Variants in WRN observed in about 807,000 individuals in gnomAD.
WRN encodes the protein bifunctional 3'-5' exonuclease/ATP-dependent helicase WRN.
In WRN, 149 loss-of-function variants were observed where a neutral mutation model predicts 180.7. The observed-to-expected ratio is 0.82, with a 90% CI of 0.72 to 0.94. The LOEUF (loss-of-function observed/expected upper bound fraction) is 0.94, where lower values mean the gene tolerates loss of function less well. Among genes scored for constraint, WRN ranks in the 40% least tolerant of loss-of-function variants. The pLI, the probability that WRN is intolerant of heterozygous loss-of-function variation, is 0.00. For missense variants in WRN, 1,661 were observed against 1,700.1 expected (o/e 0.98, Z 0.40); for synonymous variants, 548 against 568.9 (o/e 0.96, Z 0.52).
chr8:31,048,550 T>G (rs538750627), intron 1 of WRN, among the ~76,000 whole-genome samples: 1 of 152,196 alleles, frequency 6.6e-6, no homozygotes, highest in Non-Finnish European at 1.5e-5. Context: ...TGTATAAATG[T>G]ATAAATTAGT....
intron 1 of WRN, among the ~76,000 whole-genome samples, chr8:31,050,218 G>C (rs1343676747): frequency 6.6e-6 from 1 of 152,112 alleles, no homozygotes; most frequent in South Asian, 2.1e-4. Context: ...GGAGGAAAAA[G>C]TTGGAAATAA....
intron 3 of WRN, among the ~76,000 whole-genome samples, chr8:31,061,997 C>T (rs1812502093): frequency 6.6e-6 from 1 of 152,172 alleles, no homozygotes. Context: ...AGTTCCAGGT[C>T]CTTCAGCTTC....
chr8:31,134,345 T>C (rs1303987261), intron 24 of WRN, among the ~76,000 whole-genome samples: 1 of 152,206 alleles, frequency 6.6e-6, no homozygotes, highest in Admixed American at 6.5e-5. Context: ...ATAATGTATA[T>C]AAATATATAA....
At chr8:31,067,295 A>G (rs1812748927) in intron 6 of WRN, 113 bp downstream of exon 6, 2 of 1,259,400 alleles carry the variant, frequency 1.6e-6, no homozygotes, top group Non-Finnish European at 1.1e-6. Context: ...AATATTTTAT[A>G]TCAATTTGGC....
At chr8:31,125,212 A>C (rs1387914262) in intron 23 of WRN, among the ~76,000 whole-genome samples, 1 of 151,864 alleles carries the variant, frequency 6.6e-6, no homozygotes, top group Non-Finnish European at 1.5e-5. Context: ...AAACATATCA[A>C]TAGTTATGTT....
intron 16 of WRN, among the ~76,000 whole-genome samples, chr8:31,092,483 A>G (rs1392456973): frequency 6.6e-6 from 1 of 151,610 alleles, no homozygotes; most frequent in Admixed American, 6.6e-5. Context: ...ACACACAAAC[A>G]TATGTACACT....
intron 16 of WRN, among the ~76,000 whole-genome samples, chr8:31,096,530 CTTTCTT>C (rs1281689263): frequency 6.6e-6 from 1 of 152,088 alleles, no homozygotes; most frequent in Non-Finnish European, 1.5e-5. Context: ...TACAATAGGT[CTTTCTT>C]TTTATCTGTA....
At chr8:31,049,511 CAA>C (rs754805498) in intron 1 of WRN, among the ~76,000 whole-genome samples, 38 of 78,754 alleles carry the variant, frequency 4.8e-4, no homozygotes, top group Admixed American at 4.4e-4. Flanking sequence ...GACTCTGTCT[CAA>C]AAAAAAAAAA....
intron 1 of WRN, among the ~76,000 whole-genome samples, chr8:31,052,861 A>G (rs755853934): frequency 6.6e-6 from 1 of 152,196 alleles, no homozygotes; most frequent in Non-Finnish European, 1.5e-5. Flanking sequence ...GGGTTGCACA[A>G]TTAATGAATC....
At chr8:31,103,880 G>A (rs1026125587) in intron 18 of WRN, among the ~76,000 whole-genome samples, 1 of 151,676 alleles carries the variant, frequency 6.6e-6, no homozygotes, top group Non-Finnish European at 1.5e-5. Context: ...GACTACAGGC[G>A]CCCGCCACTG....
chr8:31,065,763 G>T (rs908016185), intron 5 of WRN, among the ~76,000 whole-genome samples: 1 of 152,112 alleles, frequency 6.6e-6, no homozygotes. Context: ...ACCCAGTAAT[G>T]GGATTGCTGG....
chr8:31,152,605 A>G (rs1387630165), intron 31 of WRN, among the ~76,000 whole-genome samples: 5 of 152,170 alleles, frequency 3.3e-5, no homozygotes, highest in African/African-American at 1.2e-4. Context: ...GGCAATAAGG[A>G]CAAAAGTTGG....
At position 31,058,158 on chromosome 8, in the gene WRN, A is replaced by C. The variant is rs11574175; in HGVS notation, c.-76-214A>C. ...AGACTCAAAGTCATAAAATAATAGA[A>C]TTTCGAAACTACCAGAATTATACAA... On this transcript the variant is annotated intron_variant, in intron 1 of 34. Transcript: ENST00000298139. Among the ~76,000 whole-genome samples the C allele has an allele frequency of 0.06, 9,089 of 152,254 alleles. 284 individuals are homozygous for C. The highest frequency in any genetic ancestry group is 0.083 in the South Asian group (399 of 4,824).
intron 23 of WRN, among the ~76,000 whole-genome samples, chr8:31,127,644 G>T (rs55680344): frequency 6.6e-6 from 1 of 152,058 alleles, no homozygotes; most frequent in African/African-American, 2.4e-5. Context: ...TGGTGCGGTG[G>T]CTCACACTTG....
intron 1 of WRN, among the ~76,000 whole-genome samples, chr8:31,046,716 A>G (rs539764674): frequency 5.3e-5 from 8 of 152,208 alleles, no homozygotes; most frequent in Non-Finnish European, 1.0e-4. Flanking sequence ...AATAGAAGCC[A>G]TCAGAAAAAA....
At position 31,175,461 on chromosome 8, in the gene WRN, G is replaced by C. The variant is rs1403760100; in HGVS notation, c.*2359G>C. ...AAATAAAAAAAGAAATCATGACTGG[G>C]TAAAAGATCTGTTCAGAGTACAAGA... On this transcript the variant is annotated 3_prime_UTR_variant, in exon 35 of 35. Transcript: ENST00000298139. 1.3e-5 allele frequency among the ~76,000 whole-genome samples: 2 copies of C among 152,084 alleles called. No individual in the cohort carries two copies. Among genetic ancestry groups the C allele is most frequent in the Non-Finnish European group, 1.5e-5 (1 of 68,004 alleles).
At chr8:31,116,254 T>G in intron 19 of WRN, 100 bp from the exon 20 acceptor site, 1 of 1,235,924 alleles carries the variant, frequency 8.1e-7, no homozygotes, top group Non-Finnish European at 1.1e-6. Flanking sequence ...AGTCTTTTCT[T>G]TAGAAGGTAG....
At chr8:31,104,727 T>G (rs528909210) in intron 18 of WRN, among the ~76,000 whole-genome samples, 1 of 152,364 alleles carries the variant, frequency 6.6e-6, no homozygotes, top group Non-Finnish European at 1.5e-5. Flanking sequence ...TAGATTAAAT[T>G]GCAGCAGATC....
At position 31,090,896 on chromosome 8, in the gene WRN, A is replaced by T. The variant is rs763482212; in HGVS notation, c.1783A>T (p.Ile595Phe). 8.7e-6 allele frequency: 14 copies of T among 1,612,758 alleles called. No individual in the cohort carries two copies. In the African/African-American group the frequency reaches 9.4e-5, roughly 11 times the overall value. Residue 595 changes from isoleucine to phenylalanine, a missense_variant, in exon 15 of 35, where the codon ATC becomes TTC. Transcript: ENST00000298139. ...TTATGTAGGCAAGATTGGCCTTGTT[A>T]TCTCTCCCCTTATTTCTCTGATGGA... Reference protein sequence around the residue: ...PVYVGKIGLVISPLISLMEDQ... With the variant: ...PVYVGKIGLVFSPLISLMEDQ...
Sources: allele counts gnomAD v4.1 joint callset (sites outside exome capture counted in the v4.1 genomes callset), GRCh38; gene constraint gnomAD v4.1.1; transcripts MANE v1.5; gene names NCBI Gene and HGNC (gene_info 2026-07-23, HGNC 2026-07-21).